BAHCC1: variants seen among roughly 807,000 people sequenced by gnomAD.
The protein encoded by BAHCC1 is BAH domain and coiled-coil containing 1, also known as BAH and coiled-coil domain-containing protein 1.
Under a neutral mutation model 88.2 loss-of-function variants are expected in BAHCC1, and 43 were observed. That is an observed-to-expected ratio of 0.49 (90% CI 0.38 to 0.63). BAHCC1 has a LOEUF of 0.63. BAHCC1 is among the 20% of genes least tolerant of loss of function. The probability of loss-of-function intolerance (pLI) is 0.00; values close to 1 mark genes in which losing one functional copy is unlikely to be tolerated. For missense variants in BAHCC1, 3,023 were observed against 1,654.8 expected (o/e 1.83, Z -14.34); for synonymous variants, 1,510 against 745.5 (o/e 2.03, Z -16.71).
chr17:81,465,967 A>C lies in BAHCC1; in HGVS notation c.*2150A>C, dbSNP rs1157054682. 2 of 152,496 alleles carry C rather than the reference A, an allele frequency of 1.3e-5. No homozygotes were observed. Among genetic ancestry groups the C allele is most frequent in the Admixed American group, 1.3e-4 (2 of 15,282 alleles). The allele number at this position is 152,496 out of a possible 1,614,324, so 9.4% of individuals were successfully genotyped here. ...GCACGGGGGCATGCTGAGCCACTGG[A>C]GTTCCAGAGAGGGCCGAGGAGGGTG... On this transcript the variant is annotated 3_prime_UTR_variant, in exon 28 of 28. Coordinates refer to ENST00000675386, the MANE Select transcript of BAHCC1 (RefSeq NM_001377448.1).
At position 81,458,645 on chromosome 17, in the gene BAHCC1, A is replaced by G. The variant is rs111269853; in HGVS notation, c.5368A>G (p.Thr1790Ala). The G allele has an allele frequency of 5.5e-3, 3,921 of 718,594 alleles. 148 individuals are homozygous for G. In the African/African-American group the frequency reaches 0.06, roughly 11 times the overall value. 44.5% of individuals were successfully genotyped at this position (718,594 alleles called of 1,614,324 possible). A position where few individuals can be genotyped will look rare whatever the true frequency, so the allele number is the denominator to read the frequency against. Residue 1790 changes from threonine to alanine, a missense_variant, in exon 19 of 28, where the codon ACG becomes GCG. Thr to Ala is a moderately conservative substitution (Grantham distance 58). Coordinates refer to ENST00000675386, the MANE Select transcript of BAHCC1 (RefSeq NM_001377448.1). ...GCGGAAGAACGGGGCCCTGTCCATC[A>G]CGCTGGCCACACGCAACGCCAAGGC... ...LRRKNGALSI[T>A]LATRNAKAIL...
intron 2 of BAHCC1, among the ~76,000 whole-genome samples, chr17:81,418,675 G>A (rs1310072052): frequency 2.0e-5 from 3 of 152,198 alleles, no homozygotes; most frequent in Non-Finnish European, 4.4e-5. Context: ...CTGGGAAGCA[G>A]CATCTTTGAG....
intron 14 of BAHCC1, among the ~76,000 whole-genome samples, chr17:81,453,632 T>TGG (rs538190391): frequency 6.7e-6 from 1 of 149,296 alleles, no homozygotes; most frequent in Non-Finnish European, 1.5e-5. Flanking sequence ...AGGTGTCTCC[T>TGG]GGGGGGGGGT....
intron 3 of BAHCC1, among the ~76,000 whole-genome samples, chr17:81,428,235 G>A (rs1353492496): frequency 1.3e-5 from 2 of 152,286 alleles, no homozygotes; most frequent in African/African-American, 4.8e-5. Flanking sequence ...TGGCTGTGGG[G>A]GCCCCGCCTT....
intron 2 of BAHCC1, among the ~76,000 whole-genome samples, chr17:81,409,877 T>C (rs577978034): frequency 3.3e-5 from 5 of 152,196 alleles, no homozygotes; most frequent in Admixed American, 6.5e-5. Flanking sequence ...GCCCTTCACA[T>C]TGTGGGTTTT....
chr17:81,456,404 A>G lies in BAHCC1; in HGVS notation c.4677A>G (p.Thr1559=), dbSNP rs1555657288. 1 of 722,528 alleles carries G rather than the reference A, an allele frequency of 1.4e-6. No individual in the cohort carries two copies. The highest frequency in any genetic ancestry group is 2.6e-6 in the Non-Finnish European group (1 of 388,166). 44.8% of individuals were successfully genotyped at this position (722,528 alleles called of 1,614,324 possible). The change falls in exon 16 of 28, where the codon ACA becomes ACG. Residue 1559 remains threonine (T), a synonymous_variant. Transcript: ENST00000675386. ...KPKVKSKGLP[T]GLSSFQQKEA... is the part of the protein sequence containing the mutation. Reference sequence around the variant, plus strand: ...AGGTCAAGAGCAAAGGGCTGCCCACAGGCCTCAGCTCTTTCCAGCAGAAGG... The same window carrying G: ...AGGTCAAGAGCAAAGGGCTGCCCACGGGCCTCAGCTCTTTCCAGCAGAAGG...
In BAHCC1 at chr17:81,442,318, G is replaced by A; in HGVS notation, c.969G>A (p.Glu323=). The change falls in exon 5 of 28, where the codon GAG becomes GAA. Residue 323 remains glutamate (E), a synonymous_variant. Coordinates refer to ENST00000675386, the MANE Select transcript of BAHCC1 (RefSeq NM_001377448.1). The part of the protein sequence containing the change: ...GVVTSGRCAK[E]AAGPPEPGPA... The stretch of plus-strand genomic sequence containing the variant: ...TGACCTCCGGGCGCTGTGCAAAGGA[G>A]GCAGCAGGCCCCCCGGAGCCCGGGC... The A allele has an allele frequency of 1.5e-6, 1 of 672,376 alleles. No individual in the cohort carries two copies. Among genetic ancestry groups the A allele is most frequent in the South Asian group, 1.6e-5 (1 of 61,624 alleles). 41.7% of individuals were successfully genotyped at this position (672,376 alleles called of 1,614,324 possible). A position where few individuals can be genotyped will look rare whatever the true frequency, so the allele number is the denominator to read the frequency against.
rs2064448031 is a variant in BAHCC1, at chr17:81,442,827, A to C, written c.1478A>C (p.Tyr493Ser). The C allele has an allele frequency of 1.3e-6, 1 of 779,562 alleles. No homozygotes were observed. Among genetic ancestry groups the C allele is most frequent in the Admixed American group, 1.7e-5 (1 of 59,036 alleles). The allele number at this position is 779,562 out of a possible 1,614,324, so 48.3% of individuals were successfully genotyped here. A position where few individuals can be genotyped will look rare whatever the true frequency, so the allele number is the denominator to read the frequency against. ...AAAAGCGGTCTGGACAAAAGCGGCT[A>C]CTTCGAGTTGCCCACCTCTTCACAG... ...LPKSGLDKSG[Y>S]FELPTSSQDC... Residue 493 changes from tyrosine (Y) to serine (S), a missense_variant, in exon 5 of 28, where the codon TAC (tyrosine) becomes TCC (serine). Transcript: ENST00000675386.
In BAHCC1 at chr17:81,442,446, G is replaced by T. The variant is rs1555652823; in HGVS notation, c.1097G>T (p.Cys366Phe). ...PLSTAAGSFPCLQLHGGPDGL... is the reference protein window; with the variant it reads ...PLSTAAGSFPFLQLHGGPDGL... ...AGCACAGCCGCCGGCTCCTTCCCCT[G>T]CCTGCAGCTGCACGGGGGCCCTGAC... is the stretch of plus-strand genomic sequence containing the variant. The change falls in exon 5 of 28, where the codon TGC becomes TTC. Residue 366 changes from cysteine to phenylalanine, a missense_variant. Physicochemically the swap from Cys to Phe is radical, Grantham distance 205. Transcript: ENST00000675386. The T allele has an allele frequency of 4.2e-6, 3 of 712,188 alleles. No homozygotes were observed. Among genetic ancestry groups the T allele is most frequent in the Non-Finnish European group, 7.8e-6 (3 of 384,122 alleles). 44.1% of individuals were successfully genotyped at this position (712,188 alleles called of 1,614,324 possible). A position where few individuals can be genotyped will look rare whatever the true frequency, so the allele number is the denominator to read the frequency against.
intron 11 of BAHCC1, among the ~76,000 whole-genome samples, chr17:81,448,782 G>C (rs1341817562): frequency 6.6e-6 from 1 of 152,140 alleles, no homozygotes; most frequent in African/African-American, 2.4e-5. Flanking sequence ...GCCTGCCCTC[G>C]GGGGTATCTG....
intron 3 of BAHCC1, among the ~76,000 whole-genome samples, chr17:81,427,456 G>A (rs2064213738): frequency 6.6e-6 from 1 of 152,176 alleles, no homozygotes; most frequent in South Asian, 2.1e-4. Flanking sequence ...GTTCCTCCCA[G>A]GCCACCTGCC....
intron 1 of BAHCC1, among the ~76,000 whole-genome samples, chr17:81,398,333 C>T (rs1329274178): frequency 6.6e-6 from 1 of 152,186 alleles, no homozygotes; most frequent in African/African-American, 2.4e-5. Context: ...AGTGGATGCT[C>T]CGCGTTGGGT....
In BAHCC1 at chr17:81,447,454, C is replaced by A; in HGVS notation, c.3582C>A (p.Pro1194=). ...GCAGGGAGGAGGGGGAGCAGGGGCC[C>A]TCGTCAGGGGCCTCCTCCCAAGTCC... The part of the protein sequence containing the change: ...ERSREEGEQG[P]SSGASSQVLE... Residue 1194 remains proline (P), a synonymous_variant, in exon 11 of 28, where the codon CCC becomes CCA. Transcript: ENST00000675386. The A allele has an allele frequency of 1.3e-6, 1 of 742,034 alleles. No individual in the cohort carries two copies. Among genetic ancestry groups the A allele is most frequent in the East Asian group, 2.5e-5 (1 of 39,356 alleles). The allele number at this position is 742,034 out of a possible 1,614,324, so 46.0% of individuals were successfully genotyped here.
Position 81,458,324 on chromosome 17 carries a change from C to A in BAHCC1, c.5201C>A (p.Ala1734Glu). ...AKGKAKGSLRAEPGATPSRDA... is the reference protein window; with the variant it reads ...AKGKAKGSLREEPGATPSRDA... ...GGCAAGGCCAAGGGCAGCCTGCGGG[C>A]AGAGCCGGGGGCCACCCCCAGCAGG... Residue 1734 changes from alanine (A) to glutamate (E), a missense_variant, in exon 18 of 28, where the codon GCA (alanine) becomes GAA (glutamate). By Grantham distance (107) the Ala-to-Glu change is moderately radical. Coordinates refer to ENST00000675386, the MANE Select transcript of BAHCC1 (RefSeq NM_001377448.1). 2.7e-6 allele frequency: 2 copies of A among 744,440 alleles called. No individual in the cohort carries two copies. Among genetic ancestry groups the A allele is most frequent in the East Asian group, 2.5e-5 (1 of 39,448 alleles). 46.1% of individuals were successfully genotyped at this position (744,440 alleles called of 1,614,324 possible).
At chr17:81,444,908 C>T in intron 8 of BAHCC1, 82 bp downstream of exon 8, 1 of 698,764 alleles carries the variant, frequency 1.4e-6, no homozygotes, top group Non-Finnish European at 2.6e-6. Context: ...GGCCAGGGCT[C>T]AGGAGGGAGC....
chr17:81,407,338 A>G (rs1555647078), intron 2 of BAHCC1: 1 of 519,984 alleles, frequency 1.9e-6, no homozygotes, highest in Admixed American at 1.9e-5. Context: ...CATATTAAGT[A>G]AGAAAGAAAC....
chr17:81,411,805 C>T lies in BAHCC1; in HGVS notation c.178+11888C>T, dbSNP rs1039599789. 2.6e-5 allele frequency among the ~76,000 whole-genome samples: 4 copies of T among 152,252 alleles called. No homozygotes were observed. Among genetic ancestry groups the T allele is most frequent in the African/African-American group, 4.8e-5 (2 of 41,470 alleles). On this transcript the variant is annotated intron_variant, in intron 2 of 27. Coordinates refer to ENST00000675386, the MANE Select transcript of BAHCC1 (RefSeq NM_001377448.1). The surrounding 1 kb of genome is among the most constrained non-coding windows in gnomAD (Gnocchi z 6.2). ...GCCTTTGCCTCTACCCACACCTGCA[C>T]GCCTCAGCAAGGTCGTTCCCGACAA... is the stretch of plus-strand genomic sequence containing the variant.
chr17:81,417,593 T>G (rs1379121235), intron 2 of BAHCC1, among the ~76,000 whole-genome samples: 1 of 109,516 alleles, frequency 9.1e-6, no homozygotes, highest in African/African-American at 3.5e-5. Flanking sequence ...AAATTTACCC[T>G]TTTAATAAGA....
rs1478645680 is a variant in BAHCC1, at chr17:81,407,060, G to A, written c.178+7143G>A. 2.5e-5 allele frequency: 11 copies of A among 447,170 alleles called. No homozygotes were observed. In the East Asian group the frequency reaches 2.8e-4, roughly 11 times the overall value. 27.7% of individuals were successfully genotyped at this position (447,170 alleles called of 1,614,324 possible). On this transcript the variant is annotated intron_variant, in intron 2 of 27. Transcript: ENST00000675386. ...GAAAAAGTCCAGTGTCTTGAGATGCGGGGACTCTGAGGCTGGCCGGAAGTG... is the reference window on the plus strand; with the variant it reads ...GAAAAAGTCCAGTGTCTTGAGATGCAGGGACTCTGAGGCTGGCCGGAAGTG...
Sources: allele counts gnomAD v4.1 joint callset (sites outside exome capture counted in the v4.1 genomes callset), GRCh38; gene constraint gnomAD v4.1.1; non-coding constraint Gnocchi (gnomAD v3.1); transcripts MANE v1.5; gene names NCBI Gene and HGNC (gene_info 2026-07-23, HGNC 2026-07-21).